The following CCNA2 variants were observed in gnomAD, a reference collection of about 807,000 sequenced individuals.
CCNA2 encodes cyclin A2.
Under a neutral mutation model 49.4 loss-of-function variants are expected in CCNA2, and 3 were observed. The ratio of observed to expected loss-of-function variants is 0.06; its 90% CI spans 0.03 to 0.16. The LOEUF is 0.16. Ranked by LOEUF, CCNA2 falls within the 10% of genes least tolerant of loss-of-function variation. The probability of loss-of-function intolerance (pLI) is 1.00; values close to 1 mark genes in which losing one functional copy is unlikely to be tolerated. For missense variants in CCNA2, 372 were observed against 519.7 expected, an observed-to-expected ratio of 0.72 and a Z score of 2.76; for synonymous variants, 206 against 197.2, an observed-to-expected ratio of 1.04 and a Z score of -0.37.
Position 121,816,767 on chromosome 4 carries a change from C to A in CCNA2, c.*871G>T. On this transcript the variant is annotated 3_prime_UTR_variant, in exon 8 of 8. Transcript: ENST00000274026. ...TAGTAAATTCTTACTTTGCTTTATT[C>A]ACAGAACACAGACCACCAGTGCAAA... 6.3e-7 allele frequency: 1 copy of A among 1,576,706 alleles called. No homozygotes were observed. Among genetic ancestry groups the A allele is most frequent in the East Asian group, 2.3e-5 (1 of 44,388 alleles).
chr4:121,822,893 G>A (rs1444453286), intron 1 of CCNA2, among the ~76,000 whole-genome samples: 2 of 152,190 alleles, frequency 1.3e-5, no homozygotes, highest in African/African-American at 4.8e-5. Flanking sequence ...AGGGTCGGGT[G>A]ACAGGCCAAT....
chr4:121,818,676 ATATATT>A, intron 6 of CCNA2, 118 bp downstream of exon 6: 1 of 652,152 alleles, frequency 1.5e-6, no homozygotes, highest in South Asian at 1.9e-5. Flanking sequence ...GGTCAACTAT[ATATATT>A]TGAAGTTTTT....
chr4:121,817,506 G>A lies in CCNA2; in HGVS notation c.*132C>T. ...AATTAAAACCATTTAAAAAGTAATA[G>A]ATACCATAATTTGTACTTGGCCACA... On this transcript the variant is annotated 3_prime_UTR_variant, in exon 8 of 8. Transcript: ENST00000274026. 9.9e-7 allele frequency: 1 copy of A among 1,005,030 alleles called. No homozygotes were observed. The highest frequency in any genetic ancestry group is 1.7e-5 in the South Asian group (1 of 60,220). The allele number at this position is 1,005,030 out of a possible 1,614,324, so 62.3% of individuals were successfully genotyped here. A position where few individuals can be genotyped will look rare whatever the true frequency, so the allele number is the denominator to read the frequency against.
At chr4:121,817,718 T>TA in intron 7 of CCNA2, 32 bp from the exon 8 acceptor site, 3 of 1,613,060 alleles carry the variant, frequency 1.9e-6, no homozygotes, top group Non-Finnish European at 2.5e-6. Context: ...GCATTTTTAG[T>TA]AAACACTCAC....
intron 7 of CCNA2, 67 bp from the exon 8 acceptor site, chr4:121,817,753 T>C: frequency 6.3e-7 from 1 of 1,595,802 alleles, no homozygotes; most frequent in Non-Finnish European, 8.6e-7. Flanking sequence ...CATGGAATAA[T>C]GTTTGTACTC....
At chr4:121,821,633 T>C (rs1386123921) in intron 2 of CCNA2, among the ~76,000 whole-genome samples, 2 of 152,226 alleles carry the variant, frequency 1.3e-5, no homozygotes, top group African/African-American at 4.8e-5. Context: ...ATAAATTATT[T>C]TGAAGCAAAG....
At position 121,817,485 on chromosome 4, in the gene CCNA2, A is replaced by T. The variant is rs1228700084; in HGVS notation, c.*153T>A. On this transcript the variant is annotated 3_prime_UTR_variant, in exon 8 of 8. Coordinates refer to ENST00000274026, the MANE Select transcript of CCNA2 (RefSeq NM_001237.5). ...TACATATACAAAAGATATACAAATT[A>T]AAACCATTTAAAAAGTAATAGATAC... The T allele has an allele frequency of 3.6e-6, 3 of 827,604 alleles. No individual in the cohort carries two copies. In the African/African-American group the frequency reaches 5.2e-5, roughly 14 times the overall value. 51.3% of individuals were successfully genotyped at this position (827,604 alleles called of 1,614,324 possible).
chr4:121,822,468 G>A lies in CCNA2; in HGVS notation c.392C>T (p.Ala131Val), dbSNP rs764229367. ...TTTTCTGGGTCCAGGTAAACTAATG[G>A]CTGAATTAAAAGCCAGGGCATCTTC... ...EREDALAFNS[A>V]ISLPGPRKPL... The change falls in exon 2 of 8, where the codon GCC (alanine) becomes GTC (valine). Residue 131 changes from alanine (A) to valine (V), a missense_variant. Coordinates refer to ENST00000274026, the MANE Select transcript of CCNA2 (RefSeq NM_001237.5). The A allele has an allele frequency of 1.9e-6, 3 of 1,614,104 alleles. No individual in the cohort carries two copies. In the East Asian group the frequency reaches 6.7e-5, roughly 36 times the overall value.
In CCNA2 at chr4:121,818,026, A is replaced by G. The variant is rs769251; in HGVS notation, c.1250+18T>C. 1 of 1,604,200 alleles carries G rather than the reference A, an allele frequency of 6.2e-7. No homozygotes were observed. The highest frequency in any genetic ancestry group is 2.2e-5 in the East Asian group (1 of 44,838). On this transcript the variant is annotated intron_variant, in intron 7 of 7. Coordinates refer to ENST00000274026, the MANE Select transcript of CCNA2 (RefSeq NM_001237.5). ...ATAATCTAGAAAAGTAAGCTTCAAT[A>G]TCCAAGTTAATTCTTACTTTGAATT...
Position 121,816,738 on chromosome 4 carries a change from C to T in CCNA2, c.*900G>A. 1 of 1,544,606 alleles carries T rather than the reference C, an allele frequency of 6.5e-7. No individual in the cohort carries two copies. The stretch of plus-strand genomic sequence containing the variant: ...TTTCAATAATCCAAAACTTAACATA[C>T]TCTTAGTAAATTCTTACTTTGCTTT... On this transcript the variant is annotated 3_prime_UTR_variant, in exon 8 of 8. Coordinates refer to ENST00000274026, the MANE Select transcript of CCNA2 (RefSeq NM_001237.5).
Position 121,823,681 on chromosome 4 carries a change from C to T in CCNA2, c.-53G>A, listed in dbSNP as rs540632706. 1.0e-4 allele frequency: 152 copies of T among 1,510,100 alleles called. No individual in the cohort carries two copies. The South Asian group carries it at 1.8e-3, about 18-fold the overall frequency. The allele number at this position is 1,510,100 out of a possible 1,614,324, so 93.5% of individuals were successfully genotyped here. ...TCAGCCTGCGGCGCCAAGCAGCGTG[C>T]ACTCTGCCCAGCCGACCACTCGCAC... is the stretch of plus-strand genomic sequence containing the variant. On this transcript the variant is annotated 5_prime_UTR_variant, in exon 1 of 8. Coordinates refer to ENST00000274026, the MANE Select transcript of CCNA2 (RefSeq NM_001237.5).
chr4:121,820,489 C>T lies in CCNA2; in HGVS notation c.794+53G>A. 6 of 1,326,078 alleles carry T rather than the reference C, an allele frequency of 4.5e-6. No individual in the cohort carries two copies. The highest frequency in any genetic ancestry group is 5.3e-6 in the Non-Finnish European group (5 of 946,014). The allele number at this position is 1,326,078 out of a possible 1,614,324, so 82.1% of individuals were successfully genotyped here. ...AGGTCACCATTAAAAAAATCAATTTCTTCCCTAGACAAAAGGTCGTGATCA... is the reference window on the plus strand; with the variant it reads ...AGGTCACCATTAAAAAAATCAATTTTTTCCCTAGACAAAAGGTCGTGATCA... On this transcript the variant is annotated intron_variant, in intron 4 of 7. Coordinates refer to ENST00000274026, the MANE Select transcript of CCNA2 (RefSeq NM_001237.5). The surrounding 1 kb of genome is among the most constrained non-coding windows in gnomAD (Gnocchi z 4.1).
At position 121,823,708 on chromosome 4, in the gene CCNA2, G is replaced by T; in HGVS notation, c.-80C>A. 6.8e-7 allele frequency: 1 copy of T among 1,469,686 alleles called. No individual in the cohort carries two copies. Among genetic ancestry groups the T allele is most frequent in the South Asian group, 1.4e-5 (1 of 73,956 alleles). 91.0% of individuals were successfully genotyped at this position (1,469,686 alleles called of 1,614,324 possible). A position where few individuals can be genotyped will look rare whatever the true frequency, so the allele number is the denominator to read the frequency against. On this transcript the variant is annotated 5_prime_UTR_variant, in exon 1 of 8. Coordinates refer to ENST00000274026, the MANE Select transcript of CCNA2 (RefSeq NM_001237.5). ...CTCTGCCCAGCCGACCACTCGCACCGACCCGGCCAAAGAATAGTCGTAGCC... is the reference window on the plus strand; with the variant it reads ...CTCTGCCCAGCCGACCACTCGCACCTACCCGGCCAAAGAATAGTCGTAGCC...
At chr4:121,817,842 CACAT>C (rs1724584371) in intron 7 of CCNA2, among the ~76,000 whole-genome samples, 156 bp from the exon 8 acceptor site, 2 of 152,198 alleles carry the variant, frequency 1.3e-5, no homozygotes, top group African/African-American at 4.8e-5. Context: ...CCCTGAAACA[CACAT>C]GCATGCCCCC....
In CCNA2 at chr4:121,817,597, G is replaced by C. The variant is rs1404374944; in HGVS notation, c.*41C>G. The stretch of plus-strand genomic sequence containing the variant: ...TTAAAAACTGTACACCATATACTTT[G>C]AGTGATTTACATCTTAGAAAACAAA... On this transcript the variant is annotated 3_prime_UTR_variant, in exon 8 of 8. Transcript: ENST00000274026. 1.2e-6 allele frequency: 2 copies of C among 1,612,250 alleles called. No individual in the cohort carries two copies. Among genetic ancestry groups the C allele is most frequent in the Admixed American group, 1.7e-5 (1 of 59,938 alleles).
Position 121,823,322 on chromosome 4 carries a change from C to G in CCNA2, c.213+94G>C, listed in dbSNP as rs1045777244. ...AGACCCTGGCCCCCTTCCAAAAGCC[C>G]AGGACATGCCTTCTCGCCACTCTTC... is the stretch of plus-strand genomic sequence containing the variant. On this transcript the variant is annotated intron_variant, in intron 1 of 7. Coordinates refer to ENST00000274026, the MANE Select transcript of CCNA2 (RefSeq NM_001237.5). 6.3e-6 allele frequency: 9 copies of G among 1,429,184 alleles called. No homozygotes were observed. In the African/African-American group the frequency reaches 1.1e-4, roughly 18 times the overall value. The allele number at this position is 1,429,184 out of a possible 1,614,324, so 88.5% of individuals were successfully genotyped here.
chr4:121,823,498 G>A lies in CCNA2; in HGVS notation c.131C>T (p.Pro44Leu), dbSNP rs756484028. ...NPEKAAPVQQ[P>L]RTRAALAVLK... is the part of the protein sequence containing the mutation. ...TACCGCCAGCGCGGCCCGGGTCCGC[G>A]GTTGTTGGACGGGCGCTGCCTTTTC... Residue 44 changes from proline (P) to leucine (L), a missense_variant, in exon 1 of 8, where the codon CCG becomes CTG. Physicochemically the swap from Pro to Leu is moderately conservative, Grantham distance 98 (BLOSUM62 -3). This residue lies in a region of CCNA2 where 217 missense variants were observed against 231.7 expected (regional missense o/e 0.94). Coordinates refer to ENST00000274026, the MANE Select transcript of CCNA2 (RefSeq NM_001237.5). The A allele has an allele frequency of 1.2e-6, 2 of 1,613,360 alleles. No homozygotes were observed. The highest frequency in any genetic ancestry group is 8.5e-7 in the Non-Finnish European group (1 of 1,179,802).
At position 121,818,162 on chromosome 4, in the gene CCNA2, G is replaced by C. The variant is rs1346788748; in HGVS notation, c.1132C>G (p.Arg378Gly). ...TGQSWPESLI[R>G]KTGYTLESLK... ...CTTTCCAGGGTATATCCAGTCTTTC[G>C]TATTAATGATTCAGGCTACAGAGAA... Residue 378 changes from arginine to glycine, a missense_variant, in exon 7 of 8, where the codon CGA becomes GGA. Physicochemically the swap from Arg to Gly is moderately radical, Grantham distance 125. Coordinates refer to ENST00000274026, the MANE Select transcript of CCNA2 (RefSeq NM_001237.5). 1 of 1,613,252 alleles carries C rather than the reference G, an allele frequency of 6.2e-7. No homozygotes were observed. The highest frequency in any genetic ancestry group is 1.1e-5 in the South Asian group (1 of 90,894).
rs956107377 is a variant in CCNA2, at chr4:121,820,183, C to T, written c.794+359G>A. ...CTCAAACTCCTGACCTCAAGTGATC[C>T]GCCCACCTCGGCCTCCCAAAGTGCT... On this transcript the variant is annotated intron_variant, in intron 4 of 7. Coordinates refer to ENST00000274026, the MANE Select transcript of CCNA2 (RefSeq NM_001237.5). The surrounding 1 kb of genome is among the most constrained non-coding windows in gnomAD (Gnocchi z 4.1). 2.0e-5 allele frequency among the ~76,000 whole-genome samples: 3 copies of T among 152,082 alleles called. No individual in the cohort carries two copies. The highest frequency in any genetic ancestry group is 4.1e-4 in the South Asian group (2 of 4,826).
Sources: allele counts gnomAD v4.1 joint callset (sites outside exome capture counted in the v4.1 genomes callset), GRCh38; gene constraint gnomAD v4.1.1; regional missense constraint gnomAD v4.1.1; non-coding constraint Gnocchi (gnomAD v3.1); transcripts MANE v1.5; gene names NCBI Gene and HGNC (gene_info 2026-07-23, HGNC 2026-07-21).